The following MOV10L1 variants were observed in gnomAD, a reference collection of about 807,000 sequenced individuals.
MOV10L1 encodes Mov10 like RNA helicase 1.
Under a neutral mutation model 143.8 loss-of-function variants are expected in MOV10L1, and 110 were observed. That is an observed-to-expected ratio of 0.76 (90% CI 0.66 to 0.90). The LOEUF is 0.90. Among genes scored for constraint, MOV10L1 ranks in the 40% least tolerant of loss-of-function variants. The probability of loss-of-function intolerance (pLI) is 0.00; values close to 1 mark genes in which losing one functional copy is unlikely to be tolerated. For synonymous variants in MOV10L1, 593 were observed against 581.1 expected (o/e 1.02, Z -0.29); for missense variants, 1,406 against 1,526.8 (o/e 0.92, Z 1.32).
chr22:50,109,052 G>A (rs911739438), intron 5 of MOV10L1, among the ~76,000 whole-genome samples: 1 of 152,126 alleles, frequency 6.6e-6, no homozygotes, highest in Non-Finnish European at 1.5e-5. Flanking sequence ...GCTGAGGCAG[G>A]AAAATTGCTT....
At chr22:50,161,330 C>T (rs1340016104) in intron 26 of MOV10L1, 38 bp from the exon 27 acceptor site, 1 of 1,498,462 alleles carries the variant, frequency 6.7e-7, no homozygotes, top group Middle Eastern at 1.7e-4. Flanking sequence ...GCTGTGGGAG[C>T]CTGGCTCACT....
At chr22:50,102,428 C>T (rs2061769000) in intron 3 of MOV10L1, among the ~76,000 whole-genome samples, 1 of 152,080 alleles carries the variant, frequency 6.6e-6, no homozygotes, top group South Asian at 2.1e-4. Flanking sequence ...AACTTCTGAC[C>T]TAAAGGTGGC....
At chr22:50,145,494 T>A (rs141444590) in intron 18 of MOV10L1, among the ~76,000 whole-genome samples, 195 bp from the exon 19 acceptor site, 46 of 152,300 alleles carry the variant, frequency 3.0e-4, no homozygotes, top group Admixed American at 7.2e-4. Flanking sequence ...GTCTGCAGGA[T>A]TATGTGTTAT....
At chr22:50,111,429 C>T (rs1196238645) in intron 5 of MOV10L1, among the ~76,000 whole-genome samples, 2 of 146,826 alleles carry the variant, frequency 1.4e-5, no homozygotes, top group African/African-American at 2.5e-5. Flanking sequence ...TTCATGACAG[C>T]TTCTGGCTGA....
At chr22:50,154,401 A>G (rs1041560266) in intron 22 of MOV10L1, among the ~76,000 whole-genome samples, 7 of 151,710 alleles carry the variant, frequency 4.6e-5, no homozygotes, top group African/African-American at 1.5e-4. Flanking sequence ...CTTAAAAAAA[A>G]ATTTTTTTTT....
chr22:50,134,949 T>A (rs1207664278), intron 15 of MOV10L1, among the ~76,000 whole-genome samples: 1 of 152,170 alleles, frequency 6.6e-6, no homozygotes. Context: ...ATATATTAAA[T>A]AGGGGAAGCA....
chr22:50,126,966 G>A (rs1889181890), intron 12 of MOV10L1, among the ~76,000 whole-genome samples: 1 of 152,196 alleles, frequency 6.6e-6, no homozygotes, highest in South Asian at 2.1e-4. Context: ...GGTCCATGCT[G>A]TGGCTGATTT....
At chr22:50,137,960 C>G (rs1002648242) in intron 15 of MOV10L1, among the ~76,000 whole-genome samples, 1 of 151,200 alleles carries the variant, frequency 6.6e-6, no homozygotes, top group African/African-American at 2.4e-5. Flanking sequence ...GAGGGTTCAT[C>G]CCAGGAATGG....
At position 50,160,693 on chromosome 22, in the gene MOV10L1, G is replaced by A. The variant is rs765654419; in HGVS notation, c.3330G>A (p.Arg1110=). 2.7e-5 allele frequency: 43 copies of A among 1,613,726 alleles called. No individual in the cohort carries two copies. In the South Asian group the frequency reaches 4.5e-4, roughly 17 times the overall value. The part of the protein sequence containing the change: ...EYLVIIISTV[R]SNEDRFEDDR... Reference sequence around the variant, plus strand: ...TCATCTCTGTGTGCTTTTAGGTACGGTCAAATGAAGATAGATTTGAAGATG... The same window carrying A: ...TCATCTCTGTGTGCTTTTAGGTACGATCAAATGAAGATAGATTTGAAGATG... The change falls in exon 25 of 27, where the codon CGG becomes CGA. Residue 1110 remains arginine (R), a synonymous_variant. Transcript: ENST00000262794.
rs35222089 is a variant in MOV10L1, at chr22:50,159,601, CAAAAA to C, written c.3217-69_3217-65del. ...TGGGTGACAGAGTAATACTCCATCT[CAAAAA>C]AAAAAAAGGAAAAGAAAAGAAATGG... On this transcript the variant is annotated intron_variant, in intron 23 of 26. Transcript: ENST00000262794. The surrounding 1 kb of genome is among the most constrained non-coding windows in gnomAD (Gnocchi z 4.1). 1.4e-6 allele frequency: 1 copy of C among 732,576 alleles called. No homozygotes were observed. Among genetic ancestry groups the C allele is most frequent in the East Asian group, 3.5e-5 (1 of 28,702 alleles). 45.4% of individuals were successfully genotyped at this position (732,576 alleles called of 1,614,324 possible).
intron 18 of MOV10L1, among the ~76,000 whole-genome samples, chr22:50,145,286 G>A (rs1245462139): frequency 6.6e-6 from 1 of 152,202 alleles, no homozygotes; most frequent in Non-Finnish European, 1.5e-5. Flanking sequence ...GCTGGGCGTG[G>A]TGGCATGCGC....
chr22:50,135,764 AAAAG>A (rs1369475114), intron 15 of MOV10L1, among the ~76,000 whole-genome samples: 1 of 151,962 alleles, frequency 6.6e-6, no homozygotes, highest in Non-Finnish European at 1.5e-5. Context: ...AAAAAAAAAA[AAAAG>A]CTTCTATAAT....
chr22:50,099,246 C>T (rs1056415757), intron 2 of MOV10L1, among the ~76,000 whole-genome samples, 197 bp from the exon 3 acceptor site: 2 of 152,172 alleles, frequency 1.3e-5, no homozygotes, highest in East Asian at 1.9e-4. Context: ...AACCCCTTTG[C>T]CCTTTCTGCC....
chr22:50,155,533 TG>T (rs1370754673), intron 22 of MOV10L1, among the ~76,000 whole-genome samples: 1 of 152,214 alleles, frequency 6.6e-6, no homozygotes, highest in East Asian at 1.9e-4. Context: ...TGGAGTGCAG[TG>T]GTGCAATCTT....
At chr22:50,129,135 A>G (rs997891305) in intron 13 of MOV10L1, among the ~76,000 whole-genome samples, 2 of 152,074 alleles carry the variant, frequency 1.3e-5, no homozygotes, top group African/African-American at 4.8e-5. Context: ...TAGCTTTATT[A>G]TCAACTATTT....
chr22:50,108,236 G>A lies in MOV10L1; in HGVS notation c.543G>A (p.Lys181=). The stretch of plus-strand genomic sequence containing the variant: ...CCTCAGTGAAGCCACTGAGATACAA[G>A]CGCGTGGACAAGGTAGCGTGCCGAC... ...EATSVKPLRY[K]RVDKVCISSL... The change falls in exon 4 of 27, where the codon AAG becomes AAA. Residue 181 remains lysine (K), a synonymous_variant. Transcript: ENST00000262794. 8 of 1,613,662 alleles carry A rather than the reference G, an allele frequency of 5.0e-6. No homozygotes were observed. The highest frequency in any genetic ancestry group is 6.8e-6 in the Non-Finnish European group (8 of 1,179,864).
intron 22 of MOV10L1, 145 bp downstream of exon 22, chr22:50,153,363 G>A: frequency 9.8e-7 from 1 of 1,016,350 alleles, no homozygotes; most frequent in Middle Eastern, 2.2e-4. Context: ...GCCATCGGGG[G>A]CTTGTGCCCC....
At chr22:50,107,513 G>A (rs2061905455) in intron 3 of MOV10L1, among the ~76,000 whole-genome samples, 1 of 151,918 alleles carries the variant, frequency 6.6e-6, no homozygotes, top group Admixed American at 6.6e-5. Flanking sequence ...AGCTTCCAGA[G>A]TGCTTATTGC....
chr22:50,116,282 C>T (rs995526409), intron 8 of MOV10L1, among the ~76,000 whole-genome samples: 26 of 150,508 alleles, frequency 1.7e-4, no homozygotes, highest in Non-Finnish European at 2.1e-4. Context: ...CCTGTCTCTA[C>T]TAAAAATAAA....
Sources: allele counts gnomAD v4.1 joint callset (sites outside exome capture counted in the v4.1 genomes callset), GRCh38; gene constraint gnomAD v4.1.1; non-coding constraint Gnocchi (gnomAD v3.1); transcripts MANE v1.5; gene names NCBI Gene and HGNC (gene_info 2026-07-23, HGNC 2026-07-21).